Variants in CTNNA2 observed in about 807,000 individuals in gnomAD.
The protein encoded by CTNNA2 is catenin alpha-2.
Under a neutral mutation model 101.0 loss-of-function variants are expected in CTNNA2, and 42 were observed. The ratio of observed to expected loss-of-function variants is 0.42; its 90% confidence interval spans 0.32 to 0.54. The LOEUF (loss-of-function observed/expected upper bound fraction) is 0.54, where lower values mean the gene tolerates loss of function less well. Ranked by LOEUF, CTNNA2 falls within the 20% of genes least tolerant of loss-of-function variation. The pLI is 0.14. For missense variants in CTNNA2, 871 were observed against 1,223.1 expected (o/e 0.71, Z 4.29); for synonymous variants, 450 against 456.4 (o/e 0.99, Z 0.18).
chr2:80,171,328 G>A (rs543483531), intron 7 of CTNNA2, among the ~76,000 whole-genome samples: 2 of 152,322 alleles, frequency 1.3e-5, no homozygotes, highest in East Asian at 3.9e-4. Flanking sequence ...TTGTGCATGG[G>A]CACAGATACC....
In CTNNA2 at chr2:80,533,500, T is replaced by C. The variant is rs560556595; in HGVS notation, c.1291-11482T>C. Among the ~76,000 whole-genome samples, 26 of 152,240 alleles carry C rather than the reference T, an allele frequency of 1.7e-4. 2 individuals are homozygous for C. The highest frequency in any genetic ancestry group is 6.8e-3 in the Middle Eastern group (2 of 294). On this transcript the variant is annotated intron_variant, in intron 9 of 18. Transcript: ENST00000402739. ...CACACTTCCACTTGTCATCTGGAAA[T>C]GTAGGAGACCAGGTTTTAGAGAATA...
intron 3 of CTNNA2, among the ~76,000 whole-genome samples, chr2:79,775,112 G>T (rs1178415566): frequency 1.3e-5 from 2 of 152,174 alleles, no homozygotes; most frequent in Non-Finnish European, 2.9e-5. Flanking sequence ...AATGGACAGT[G>T]TTGGGTTTCT....
rs371716732 is a variant in CTNNA2, at chr2:79,410,642, G to A, written c.-135+36629G>A. Among the ~76,000 whole-genome samples, 3 of 151,768 alleles carry A rather than the reference G, an allele frequency of 2.0e-5. No individual in the cohort carries two copies. In the East Asian group the frequency reaches 5.8e-4, roughly 30 times the overall value. ...TATTGAACCAGCCTTGCATCCCAGG[G>A]ATGAAGCCCACTTGATCATGGTGGA... On this transcript the variant is annotated intron_variant, in intron 4 of 21. Transcript: ENST00000466387.
At chr2:79,735,425 A>C (rs1273496351) in intron 2 of CTNNA2, among the ~76,000 whole-genome samples, 1 of 152,048 alleles carries the variant, frequency 6.6e-6, no homozygotes, top group South Asian at 2.1e-4. Flanking sequence ...CAAATGCTCT[A>C]CTCCATAACT....
At chr2:79,647,023 A>G (rs2104450948) in intron 1 of CTNNA2, among the ~76,000 whole-genome samples, 1 of 152,328 alleles carries the variant, frequency 6.6e-6, no homozygotes, top group African/African-American at 2.4e-5. Flanking sequence ...ATAAATTTTT[A>G]CTTTGAATTC....
intron 7 of CTNNA2, among the ~76,000 whole-genome samples, chr2:79,925,378 T>G (rs1686955527): frequency 6.6e-6 from 1 of 152,064 alleles, no homozygotes; most frequent in Non-Finnish European, 1.5e-5. Context: ...CCAGAAACAG[T>G]GACAAGAGAA....
chr2:80,287,105 A>AAG (rs1674837576), intron 7 of CTNNA2, among the ~76,000 whole-genome samples: 3 of 152,194 alleles, frequency 2.0e-5, no homozygotes, highest in Admixed American at 6.5e-5. Flanking sequence ...TTCTGATGGT[A>AAG]AGAGGGAGGA....
At chr2:79,746,784 C>CT in intron 3 of CTNNA2, among the ~76,000 whole-genome samples, 1 of 152,310 alleles carries the variant, frequency 6.6e-6, no homozygotes, top group Middle Eastern at 3.4e-3. Context: ...TCCTGTCATA[C>CT]TTTTTAATGG....
Position 79,632,609 on chromosome 2 carries a change from A to G in CTNNA2, c.-5-18943A>G, listed in dbSNP as rs80296332. ...CCCAAGTTATGTTATGGGTTATTAT[A>G]TTGATGGTGAGTAGTATTTCTCAGT... On this transcript the variant is annotated intron_variant, in intron 1 of 18. Coordinates refer to ENST00000402739, the MANE Select transcript of CTNNA2 (RefSeq NM_001282597.3). 7.1e-3 allele frequency among the ~76,000 whole-genome samples: 1,077 copies of G among 152,324 alleles called. 21 individuals are homozygous for G. Among genetic ancestry groups the G allele is most frequent in the African/African-American group, 0.024 (985 of 41,572 alleles).
At chr2:79,302,474 C>T (rs577788356) in intron 2 of CTNNA2, among the ~76,000 whole-genome samples, 17 of 152,274 alleles carry the variant, frequency 1.1e-4, no homozygotes, top group South Asian at 6.2e-4. Context: ...AGAGTTCTGA[C>T]GTGTTTAACC....
At chr2:79,859,367 G>T (rs1681404565) in intron 4 of CTNNA2, among the ~76,000 whole-genome samples, 1 of 152,128 alleles carries the variant, frequency 6.6e-6, no homozygotes, top group South Asian at 2.1e-4. Flanking sequence ...GAATCATCAA[G>T]AAATTACTTA....
chr2:80,177,767 C>A (rs1419036718), intron 7 of CTNNA2, among the ~76,000 whole-genome samples: 1 of 152,200 alleles, frequency 6.6e-6, no homozygotes, highest in Non-Finnish European at 1.5e-5. Context: ...ACCTCTTCCC[C>A]AAATTTCTTT....
intron 8 of CTNNA2, among the ~76,000 whole-genome samples, chr2:80,399,175 A>G (rs1387317480): frequency 6.6e-6 from 1 of 151,360 alleles, no homozygotes; most frequent in African/African-American, 2.4e-5. Flanking sequence ...CTTTGGATGT[A>G]TCCCTTGATG....
intron 7 of CTNNA2, among the ~76,000 whole-genome samples, chr2:80,039,617 T>C (rs574686616): frequency 7.2e-5 from 11 of 152,284 alleles, no homozygotes; most frequent in Admixed American, 2.6e-4. Context: ...TTCTAAGATA[T>C]TGGTCCTAAA....
At chr2:79,928,409 G>C (rs1687173237) in intron 7 of CTNNA2, among the ~76,000 whole-genome samples, 2 of 152,162 alleles carry the variant, frequency 1.3e-5, no homozygotes, top group South Asian at 2.1e-4. Flanking sequence ...GCCACTGACT[G>C]TACCTTCAAG....
At chr2:79,390,532 G>T (rs1207422732) in intron 4 of CTNNA2, among the ~76,000 whole-genome samples, 1 of 152,206 alleles carries the variant, frequency 6.6e-6, no homozygotes, top group Non-Finnish European at 1.5e-5. Context: ...CACAGTAGTG[G>T]GTCAACAGTT....
chr2:79,708,668 G>A (rs1006330473), intron 2 of CTNNA2, among the ~76,000 whole-genome samples: 3 of 143,204 alleles, frequency 2.1e-5, no homozygotes, highest in South Asian at 2.3e-4. Flanking sequence ...TTTTTATAAG[G>A]ATAATTTAGG....
rs1553475017 is a variant in CTNNA2 at position 80,241,627 on chromosome 2, C to CT, written c.1057-151584_1057-151583insT. Reference sequence around the variant, plus strand: ...TCTATCTATCTATCTATCTATCTATCATCTTTGTTATATTTAGGCCTATAC... The same window carrying CT: ...TCTATCTATCTATCTATCTATCTATCTATCTTTGTTATATTTAGGCCTATAC... On this transcript the variant is annotated intron_variant, in intron 7 of 18. Coordinates refer to ENST00000402739, the MANE Select transcript of CTNNA2 (RefSeq NM_001282597.3). 7.8e-3 allele frequency among the ~76,000 whole-genome samples: 1,157 copies of CT among 148,574 alleles called. 8 individuals are homozygous for CT. The highest frequency in any genetic ancestry group is 0.027 in the African/African-American group (1,082 of 39,898).
chr2:80,196,200 A>T (rs544616090), intron 7 of CTNNA2, among the ~76,000 whole-genome samples: 1 of 152,240 alleles, frequency 6.6e-6, no homozygotes, highest in Non-Finnish European at 1.5e-5. Context: ...AAAGCACAAC[A>T]ATCACCCTTT....
Sources: allele counts gnomAD v4.1 joint callset (sites outside exome capture counted in the v4.1 genomes callset), GRCh38; gene constraint gnomAD v4.1.1; transcripts MANE v1.5; gene names NCBI Gene and HGNC (gene_info 2026-07-23, HGNC 2026-07-21).